MBP: variants seen among roughly 807,000 people sequenced by gnomAD.
The protein encoded by MBP is Golli-MBP.
MBP carries 16 observed loss-of-function variants against 35.8 expected under a neutral mutation model. That is an observed-to-expected ratio of 0.45 (90% CI 0.30 to 0.68). The LOEUF (loss-of-function observed/expected upper bound fraction) is 0.68. Among genes scored for constraint, MBP ranks in the 30% least tolerant of loss-of-function variants. The pLI is 0.08. For synonymous variants in MBP, 143 were observed against 159.6 expected, an observed-to-expected ratio of 0.90 and a Z score of 0.78; for missense variants, 380 against 404.7, an observed-to-expected ratio of 0.94 and a Z score of 0.52.
chr18:77,025,569 C>T (rs1167504653), intron 3 of MBP, among the ~76,000 whole-genome samples: 6 of 152,174 alleles, frequency 3.9e-5, no homozygotes, highest in Non-Finnish European at 7.3e-5. Flanking sequence ...CACCGTGCAA[C>T]GGCTCCAGGC....
In MBP at chr18:76,988,937, G is replaced by A. The variant is rs1217581187; in HGVS notation, c.682-25C>T. ...CCTGGAAAGACACAGAGAACCGTGG[G>A]CTGCACTGGGAGCCCTGTGCCGCCG... On this transcript the variant is annotated intron_variant, in intron 5 of 8. Transcript: ENST00000355994. This position sits in a 1 kb window ranked among gnomAD's most constrained non-coding sequence, Gnocchi z 5.2. 4 of 1,612,724 alleles carry A rather than the reference G, an allele frequency of 2.5e-6. No individual in the cohort carries two copies. The highest frequency in any genetic ancestry group is 3.4e-6 in the Non-Finnish European group (4 of 1,178,852).
At chr18:77,023,203 G>T (rs746634730) in intron 3 of MBP, among the ~76,000 whole-genome samples, 1 of 152,164 alleles carries the variant, frequency 6.6e-6, no homozygotes, top group Admixed American at 6.5e-5. Flanking sequence ...GCACAGAAAT[G>T]CACAGCAGGA....
chr18:77,066,229 C>T (rs1250755279), intron 3 of MBP, 69 bp downstream of exon 3: 4 of 1,164,308 alleles, frequency 3.4e-6, no homozygotes, highest in Non-Finnish European at 5.1e-6. Context: ...TCAAAGGCTT[C>T]CCCGAGTGAG....
chr18:77,085,790 T>C (rs112180326), intron 2 of MBP, among the ~76,000 whole-genome samples: 167 of 149,290 alleles, frequency 1.1e-3, no homozygotes, highest in African/African-American at 4.0e-3. Context: ...TTTCAAGCAA[T>C]TCTCCTGCCT....
chr18:77,015,746 T>C (rs1015283322), intron 4 of MBP: 36 of 985,320 alleles, frequency 3.7e-5, no homozygotes, highest in Non-Finnish European at 4.1e-5. Flanking sequence ...AGAATTGCAG[T>C]TGGAGACTAA....
At chr18:77,051,378 T>C (rs1344857873) in intron 3 of MBP, among the ~76,000 whole-genome samples, 1 of 152,234 alleles carries the variant, frequency 6.6e-6, no homozygotes, top group Non-Finnish European at 1.5e-5. Flanking sequence ...TCACATCCAC[T>C]GTTTATTTTA....
At chr18:77,028,100 C>G (rs1972298619) in intron 3 of MBP, among the ~76,000 whole-genome samples, 1 of 149,206 alleles carries the variant, frequency 6.7e-6, no homozygotes, top group South Asian at 2.1e-4. Flanking sequence ...AACAAGTGAA[C>G]AAAGGTCTCT....
intron 2 of MBP, among the ~76,000 whole-genome samples, chr18:77,068,039 T>G (rs201217367): frequency 1.7e-5 from 2 of 114,792 alleles, no homozygotes; most frequent in South Asian, 6.1e-4. Context: ...GTGTGTGTGT[T>G]TGTGTGTGTG....
In MBP at chr18:76,986,614, T is replaced by G. The variant is rs1046388095; in HGVS notation, c.751-1720A>C. 30 of 985,356 alleles carry G rather than the reference T, an allele frequency of 3.0e-5. 1 individual carries two copies. In the South Asian group the frequency reaches 1.0e-3, roughly 34 times the overall value. The allele number at this position is 985,356 out of a possible 1,614,324, so 61.0% of individuals were successfully genotyped here. A position where few individuals can be genotyped will look rare whatever the true frequency, so the allele number is the denominator to read the frequency against. ...AGGGACGGGATGTGTGGCAAGAAGGTCTAAGCACTGCACACGAGGGGACAG... is the reference window on the plus strand; with the variant it reads ...AGGGACGGGATGTGTGGCAAGAAGGGCTAAGCACTGCACACGAGGGGACAG... On this transcript the variant is annotated intron_variant, in intron 7 of 8. Coordinates refer to ENST00000355994, the MANE Select transcript of MBP (RefSeq NM_001025101.2).
chr18:77,082,177 G>A (rs1052019251), intron 2 of MBP, among the ~76,000 whole-genome samples: 3 of 152,094 alleles, frequency 2.0e-5, no homozygotes, highest in African/African-American at 7.2e-5. Flanking sequence ...TATAATAGCC[G>A]CAAGGTAGAA....
At chr18:77,056,896 GC>G (rs1346201456) in intron 3 of MBP, among the ~76,000 whole-genome samples, 4 of 152,130 alleles carry the variant, frequency 2.6e-5, no homozygotes, top group Non-Finnish European at 5.9e-5. Context: ...TTGTCCGACA[GC>G]TCTCAGGAGA....
intron 3 of MBP, among the ~76,000 whole-genome samples, chr18:77,064,436 A>C (rs1400614192): frequency 6.6e-6 from 1 of 152,220 alleles, no homozygotes; most frequent in East Asian, 1.9e-4. Context: ...TAAAGTATGC[A>C]GAAATCAGCA....
At chr18:77,021,988 G>A (rs1390423724) in intron 3 of MBP, among the ~76,000 whole-genome samples, 1 of 152,190 alleles carries the variant, frequency 6.6e-6, no homozygotes, top group Non-Finnish European at 1.5e-5. Flanking sequence ...GTGGTGGCAT[G>A]GGAGGAGTGA....
chr18:77,072,007 G>A (rs1251332557), intron 2 of MBP, among the ~76,000 whole-genome samples: 2 of 151,708 alleles, frequency 1.3e-5, no homozygotes, highest in East Asian at 3.8e-4. Flanking sequence ...TCTTATACTC[G>A]ACTGACCTTA....
chr18:77,089,530 TCCCACAGAGCCTCC>T (rs1975416746), intron 2 of MBP, among the ~76,000 whole-genome samples: 3 of 152,180 alleles, frequency 2.0e-5, no homozygotes, highest in African/African-American at 7.2e-5. Context: ...GCAGGGGTTC[TCCCACAGAGCCTCC>T]GCCTCAGGCA....
intron 2 of MBP, among the ~76,000 whole-genome samples, chr18:77,077,255 G>A (rs542355418): frequency 4.1e-4 from 62 of 151,212 alleles, no homozygotes; most frequent in Admixed American, 2.8e-3. Flanking sequence ...CTGGCTACTC[G>A]GGAGGCTGAG....
intron 4 of MBP, among the ~76,000 whole-genome samples, chr18:76,994,865 A>G (rs182266371): frequency 1.3e-5 from 2 of 152,240 alleles, no homozygotes; most frequent in South Asian, 4.1e-4. Flanking sequence ...AATAATTTTC[A>G]TAGGATCATA....
chr18:77,011,356 G>A (rs905757592), intron 4 of MBP, among the ~76,000 whole-genome samples: 6 of 152,188 alleles, frequency 3.9e-5, no homozygotes, highest in Non-Finnish European at 8.8e-5. Flanking sequence ...GCAAGTGTAC[G>A]CTATGTACAG....
intron 3 of MBP, among the ~76,000 whole-genome samples, chr18:77,045,922 T>A (rs1047272052): frequency 6.6e-6 from 1 of 152,176 alleles, no homozygotes; most frequent in Non-Finnish European, 1.5e-5. Flanking sequence ...TGGGCACTAA[T>A]GCAGGTTTTA....
Sources: gnomAD v4.1 joint callset for allele counts (sites outside exome capture counted in the v4.1 genomes callset) on GRCh38, gnomAD v4.1.1 for gene constraint, Gnocchi (gnomAD v3.1) non-coding constraint, MANE v1.5 for transcripts, NCBI Gene and HGNC (gene_info 2026-07-23, HGNC 2026-07-21) for gene names.